The following CSMD1 variants were observed in gnomAD, a reference collection of about 807,000 sequenced individuals.
CSMD1 encodes the protein CUB and Sushi multiple domains 1.
A neutral mutation model predicts 417.5 loss-of-function variants in CSMD1; 213 were observed. The observed-to-expected ratio is 0.51, with a 90% CI of 0.46 to 0.57. CSMD1 has a LOEUF of 0.57. Ranked by LOEUF, CSMD1 falls within the 20% of genes least tolerant of loss-of-function variation. CSMD1 has a pLI of 0.00. For synonymous variants in CSMD1, 2,862 were observed against 1,736.8 expected, an observed-to-expected ratio of 1.65 and a Z score of -16.11; for missense variants, 6,923 against 4,529.7, an observed-to-expected ratio of 1.53 and a Z score of -15.17.
intron 5 of CSMD1, among the ~76,000 whole-genome samples, chr8:3,907,389 G>C (rs895682567): frequency 1.3e-5 from 2 of 152,130 alleles, no homozygotes; most frequent in Non-Finnish European, 2.9e-5. Flanking sequence ...ATCTAAATGG[G>C]GTAATTTAGG....
At chr8:4,061,992 G>A (rs539439970) in intron 3 of CSMD1, among the ~76,000 whole-genome samples, 5 of 152,092 alleles carry the variant, frequency 3.3e-5, no homozygotes, top group African/African-American at 1.2e-4. Flanking sequence ...CTGCTGCCCT[G>A]TCTGAGAGGT....
chr8:3,154,798 C>A (rs989053644), intron 39 of CSMD1, among the ~76,000 whole-genome samples: 6 of 152,068 alleles, frequency 3.9e-5, no homozygotes, highest in Non-Finnish European at 4.4e-5. Flanking sequence ...TATACATTCT[C>A]TTCATTAGTA....
intron 26 of CSMD1, among the ~76,000 whole-genome samples, chr8:3,256,197 G>A (rs1016897797): frequency 2.0e-5 from 3 of 151,600 alleles, no homozygotes; most frequent in African/African-American, 7.3e-5. Flanking sequence ...GCGTGGTGGT[G>A]GCACCTGTAA....
intron 4 of CSMD1, among the ~76,000 whole-genome samples, chr8:4,008,612 T>C (rs1007286644): frequency 4.0e-4 from 53 of 132,688 alleles, no homozygotes; most frequent in African/African-American, 1.4e-3. Context: ...TTTTTTTTTT[T>C]TTTTTTTTTT....
intron 12 of CSMD1, among the ~76,000 whole-genome samples, chr8:3,466,952 C>A (rs1224936053): frequency 2.0e-5 from 3 of 151,996 alleles, no homozygotes; most frequent in Admixed American, 6.6e-5. Context: ...GTTTTAATTA[C>A]CTTTTTGCCT....
intron 3 of CSMD1, among the ~76,000 whole-genome samples, chr8:4,088,429 T>C (rs1291203395): frequency 6.6e-6 from 1 of 152,224 alleles, no homozygotes; most frequent in Non-Finnish European, 1.5e-5. Context: ...CCAAACTCAC[T>C]GAATTTCTCA....
intron 1 of CSMD1, among the ~76,000 whole-genome samples, chr8:4,785,660 G>T (rs1585094896): frequency 6.6e-6 from 1 of 152,168 alleles, no homozygotes; most frequent in East Asian, 1.9e-4. Context: ...TGCTTTTAGA[G>T]AAAAATACAA....
intron 52 of CSMD1, among the ~76,000 whole-genome samples, chr8:3,009,262 G>A (rs568493715): frequency 5.3e-5 from 8 of 152,312 alleles, no homozygotes; most frequent in African/African-American, 1.7e-4. Context: ...ATATTGGTCC[G>A]GGGATTAGAA....
intron 3 of CSMD1, among the ~76,000 whole-genome samples, chr8:4,265,348 C>G (rs564703170): frequency 1.3e-5 from 2 of 150,630 alleles, no homozygotes; most frequent in African/African-American, 2.4e-5. Context: ...GGTGAATGAT[C>G]TGTCTCTGCA....
At chr8:4,443,506 A>T (rs771451846) in intron 2 of CSMD1, among the ~76,000 whole-genome samples, 1 of 152,330 alleles carries the variant, frequency 6.6e-6, no homozygotes, top group South Asian at 2.1e-4. Flanking sequence ...TGCCACATAT[A>T]TTAACACCAG....
chr8:3,473,963 T>C (rs1446979732), intron 11 of CSMD1, among the ~76,000 whole-genome samples: 1 of 152,002 alleles, frequency 6.6e-6, no homozygotes, highest in Non-Finnish European at 1.5e-5. Flanking sequence ...ATGTCAAACA[T>C]AAAACCATCA....
In CSMD1 at chr8:4,798,467, A is replaced by G. The variant is rs552959033; in HGVS notation, c.86-160909T>C. On this transcript the variant is annotated intron_variant, in intron 1 of 69. Transcript: ENST00000635120. ...GGAGATGAGATTTTGCAATATATAA[A>G]ATGTCTATTAAAAAGTACAGAATTG... 1.6e-3 allele frequency among the ~76,000 whole-genome samples: 247 copies of G among 152,296 alleles called. 8 individuals are homozygous for G. Among genetic ancestry groups the G allele is most frequent in the Non-Finnish European group, 1.5e-3 (104 of 68,030 alleles).
chr8:4,768,360 A>G (rs1409512464), intron 1 of CSMD1, among the ~76,000 whole-genome samples: 1 of 152,108 alleles, frequency 6.6e-6, no homozygotes, highest in Non-Finnish European at 1.5e-5. Flanking sequence ...AGACAAGTCC[A>G]TCAAAGCTTC....
At chr8:3,480,293 C>T (rs185611787) in intron 11 of CSMD1, among the ~76,000 whole-genome samples, 141 of 152,206 alleles carry the variant, frequency 9.3e-4, no homozygotes, top group African/African-American at 2.8e-3. Flanking sequence ...ACCCAGGAGG[C>T]GGAGGATGCA....
chr8:4,590,505 A>G (rs1371238479), intron 2 of CSMD1, among the ~76,000 whole-genome samples: 2 of 152,178 alleles, frequency 1.3e-5, no homozygotes, highest in African/African-American at 2.4e-5. Context: ...TTTATTTCAT[A>G]TATTTGAAGC....
intron 2 of CSMD1, among the ~76,000 whole-genome samples, chr8:4,421,289 G>A (rs1389325429): frequency 6.6e-6 from 1 of 152,162 alleles, no homozygotes; most frequent in Non-Finnish European, 1.5e-5. Flanking sequence ...TCCTGTGACT[G>A]AAGACCAGCA....
At chr8:4,664,694 G>A (rs954230056) in intron 1 of CSMD1, among the ~76,000 whole-genome samples, 3 of 152,058 alleles carry the variant, frequency 2.0e-5, no homozygotes, top group African/African-American at 4.8e-5. Flanking sequence ...GCCATACACA[G>A]CAAAAATAAA....
At chr8:3,165,428 A>T (rs1585529915) in intron 37 of CSMD1, among the ~76,000 whole-genome samples, 1 of 151,466 alleles carries the variant, frequency 6.6e-6, no homozygotes, top group Non-Finnish European at 1.5e-5. Context: ...TTTTTTATTT[A>T]TTTATTTTTT....
chr8:3,477,169 T>G (rs1457798104), intron 11 of CSMD1, among the ~76,000 whole-genome samples: 1 of 152,304 alleles, frequency 6.6e-6, no homozygotes. Flanking sequence ...GTCACGAAGC[T>G]GTCAAAATAC....
Sources: allele counts gnomAD v4.1 joint callset (sites outside exome capture counted in the v4.1 genomes callset), GRCh38; gene constraint gnomAD v4.1.1; transcripts MANE v1.5; gene names NCBI Gene and HGNC (gene_info 2026-07-23, HGNC 2026-07-21).